Variants in FAM91A1 observed in about 807,000 individuals in gnomAD.
FAM91A1 encodes the protein family with sequence similarity 91 member A1.
Under a neutral mutation model 113.5 loss-of-function variants are expected in FAM91A1, and 41 were observed. The ratio of observed to expected loss-of-function variants is 0.36; its 90% confidence interval spans 0.28 to 0.47. The LOEUF is 0.47. FAM91A1 is among the 20% of genes least tolerant of loss of function. The pLI is 1.00. For missense variants in FAM91A1, 696 were observed against 1,001.2 expected, an observed-to-expected ratio of 0.70 and a Z score of 4.11; for synonymous variants, 307 against 347.9, an observed-to-expected ratio of 0.88 and a Z score of 1.31.
rs944077963 is a variant in FAM91A1, at chr8:123,815,002, T to C, written c.*2298T>C. ...CGCTTCCTTAATGTAATTTAAACCC[T>C]GGCAAACATTCTTTAGAAACCAAGA... is the stretch of plus-strand genomic sequence containing the variant. On this transcript the variant is annotated 3_prime_UTR_variant, in exon 24 of 24. Transcript: ENST00000334705. 2.0e-5 allele frequency: 3 copies of C among 152,550 alleles called. No individual in the cohort carries two copies. Among genetic ancestry groups the C allele is most frequent in the African/African-American group, 7.2e-5 (3 of 41,444 alleles). 9.4% of individuals were successfully genotyped at this position (152,550 alleles called of 1,614,324 possible).
At chr8:123,777,912 G>T in intron 4 of FAM91A1, 113 bp from the exon 5 acceptor site, 1 of 787,216 alleles carries the variant, frequency 1.3e-6, no homozygotes, top group Non-Finnish European at 2.0e-6. Context: ...ATTGATATTT[G>T]ACTAGTAATT....
intron 4 of FAM91A1, 49 bp downstream of exon 4, chr8:123,777,371 G>A: frequency 6.7e-7 from 1 of 1,499,834 alleles, no homozygotes; most frequent in Non-Finnish European, 9.2e-7. Context: ...TTGTGTCTTT[G>A]TGCATCCTGT....
intron 23 of FAM91A1, 198 bp from the exon 24 acceptor site, chr8:123,812,321 C>A (rs541181931): frequency 2.2e-5 from 9 of 405,578 alleles, no homozygotes; most frequent in Non-Finnish European, 3.9e-5. Flanking sequence ...TACAGTTTAA[C>A]GTTGTTAGTC....
chr8:123,808,795 CT>C (rs1815876848), intron 21 of FAM91A1, 97 bp from the exon 22 acceptor site: 1 of 1,203,732 alleles, frequency 8.3e-7, no homozygotes, highest in African/African-American at 1.5e-5. Context: ...CAGGAGGAAT[CT>C]ATGAACTTCA....
intron 3 of FAM91A1, among the ~76,000 whole-genome samples, chr8:123,776,363 A>G (rs1814983262): frequency 6.6e-6 from 1 of 152,236 alleles, no homozygotes; most frequent in Admixed American, 6.5e-5. Context: ...GGTTAGCCCT[A>G]CATACGATGT....
At position 123,812,513 on chromosome 8, in the gene FAM91A1, T is replaced by C; in HGVS notation, c.2332-6T>C. The C allele has an allele frequency of 6.4e-7, 1 of 1,574,048 alleles. No individual in the cohort carries two copies. The highest frequency in any genetic ancestry group is 1.2e-5 in the South Asian group (1 of 83,658). On this transcript the variant is annotated splice_region_variant and splice_polypyrimidine_tract_variant and intron_variant, in intron 23 of 23. Coordinates refer to ENST00000334705, the MANE Select transcript of FAM91A1 (RefSeq NM_144963.4). ...ATATCATTTCTCTTGTTTCTTGATC[T>C]TTTAGGAAGGTGCTTCAATATTGGA...
rs546950696 is a variant in FAM91A1 at position 123,769,517 on chromosome 8, T to C, written c.72+743T>C. The stretch of plus-strand genomic sequence containing the variant: ...ACTTTATCCTCCAGACAAGATGGGT[T>C]TATCAGAGATGTTTCAACAAGAGTG... On this transcript the variant is annotated intron_variant, in intron 1 of 23. Coordinates refer to ENST00000334705, the MANE Select transcript of FAM91A1 (RefSeq NM_144963.4). Among the ~76,000 whole-genome samples the C allele has an allele frequency of 7.2e-5, 11 of 152,350 alleles. No homozygotes were observed. The South Asian group carries it at 2.3e-3, about 32-fold the overall frequency.
intron 18 of FAM91A1, among the ~76,000 whole-genome samples, chr8:123,803,537 A>C (rs1442669208): frequency 6.6e-6 from 1 of 152,164 alleles, no homozygotes; most frequent in East Asian, 1.9e-4. Flanking sequence ...TCCTGGGCTC[A>C]AGTGATCTGC....
Position 123,786,583 on chromosome 8 carries a change from A to G in FAM91A1, c.1051A>G (p.Thr351Ala), listed in dbSNP as rs1428493883. 2 of 1,614,154 alleles carry G rather than the reference A, an allele frequency of 1.2e-6. No individual in the cohort carries two copies. The highest frequency in any genetic ancestry group is 2.2e-5 in the East Asian group (1 of 44,878). The change falls in exon 12 of 24, where the codon ACT becomes GCT. Residue 351 changes from threonine (T) to alanine (A), a missense_variant. Transcript: ENST00000334705. ...PVQEASSATD[T>A]DTNSQEDPAD... Reference sequence around the variant, plus strand: ...ACAAGAAGCTTCATCGGCAACTGACACTGATACAAATAGTCAAGAAGATCC... The same window carrying G: ...ACAAGAAGCTTCATCGGCAACTGACGCTGATACAAATAGTCAAGAAGATCC...
intron 14 of FAM91A1, 45 bp from the exon 15 acceptor site, chr8:123,789,568 T>C: frequency 6.2e-7 from 1 of 1,610,506 alleles, no homozygotes; most frequent in South Asian, 1.1e-5. Context: ...GTGAATGGCA[T>C]AAAAGTGGTA....
At chr8:123,808,209 AT>A in intron 20 of FAM91A1, 62 bp from the exon 21 acceptor site, 1 of 1,323,330 alleles carries the variant, frequency 7.6e-7, no homozygotes, top group Non-Finnish European at 1.1e-6. Flanking sequence ...GTTAGGACTG[AT>A]TTATTGGCAG....
chr8:123,772,820 A>G (rs537781169), intron 1 of FAM91A1, among the ~76,000 whole-genome samples: 185 of 152,336 alleles, frequency 1.2e-3, no homozygotes, highest in Non-Finnish European at 2.2e-3. Flanking sequence ...TGTTATATAT[A>G]TTGTTAATAT....
intron 23 of FAM91A1, chr8:123,812,218 G>C (rs1479701769): frequency 4.6e-6 from 1 of 218,428 alleles, no homozygotes; most frequent in East Asian, 9.3e-5. Context: ...CTTCTGTTAG[G>C]TAATACTTTG....
chr8:123,800,950 A>C (rs1271596487), intron 18 of FAM91A1, among the ~76,000 whole-genome samples: 2 of 151,894 alleles, frequency 1.3e-5, no homozygotes, highest in Non-Finnish European at 2.9e-5. Flanking sequence ...GGTTGTTTTC[A>C]CCTTTTGGCC....
In FAM91A1 at chr8:123,778,105, T is replaced by C; in HGVS notation, c.435+13T>C. ...TAGATCATCAAAAGTAAGTTAGTACTTTCTTTTTCATTGTTTTGGCCTCAT... is the reference window on the plus strand; with the variant it reads ...TAGATCATCAAAAGTAAGTTAGTACCTTCTTTTTCATTGTTTTGGCCTCAT... On this transcript the variant is annotated intron_variant, in intron 5 of 23. Transcript: ENST00000334705. The C allele has an allele frequency of 6.3e-7, 1 of 1,597,910 alleles. No individual in the cohort carries two copies. The highest frequency in any genetic ancestry group is 8.6e-7 in the Non-Finnish European group (1 of 1,169,534).
At position 123,812,694 on chromosome 8, in the gene FAM91A1, A is replaced by G. The variant is rs1475709292; in HGVS notation, c.2507A>G (p.His836Arg). 3.2e-5 allele frequency: 51 copies of G among 1,574,194 alleles called. No individual in the cohort carries two copies. The highest frequency in any genetic ancestry group is 4.0e-5 in the Non-Finnish European group (47 of 1,164,488). The change falls in exon 24 of 24, where the codon CAT becomes CGT. Residue 836 changes from histidine (H) to arginine (R), a missense_variant. His to Arg is a conservative substitution (Grantham distance 29, BLOSUM62 0). Coordinates refer to ENST00000334705, the MANE Select transcript of FAM91A1 (RefSeq NM_144963.4). ...SPSSLLIANL[H>R]LQ ...TCCTCACTTCTTATTGCTAATCTCC[A>G]TTTGCAATAATTTGGTTACACCATT...
chr8:123,804,116 T>TG (rs759173048), intron 18 of FAM91A1, among the ~76,000 whole-genome samples: 9 of 152,154 alleles, frequency 5.9e-5, no homozygotes, highest in Non-Finnish European at 1.3e-4. Flanking sequence ...GAGAGTGAAG[T>TG]GGGTAGACTC....
In FAM91A1 at chr8:123,780,365, T is replaced by C. The variant is rs186149734; in HGVS notation, c.641-115T>C. The C allele has an allele frequency of 8.8e-5, 74 of 837,740 alleles. No homozygotes were observed. The African/African-American group carries it at 1.1e-3, about 13-fold the overall frequency. The allele number at this position is 837,740 out of a possible 1,614,324, so 51.9% of individuals were successfully genotyped here. ...TTTCTCTTCTATTTTACTTTTTCTT[T>C]CGTCACATAGCATTCATTTGTAAGA... On this transcript the variant is annotated intron_variant, in intron 7 of 23. Coordinates refer to ENST00000334705, the MANE Select transcript of FAM91A1 (RefSeq NM_144963.4).
At chr8:123,784,790 C>A in intron 9 of FAM91A1, 1 of 422,780 alleles carries the variant, frequency 2.4e-6, no homozygotes, top group South Asian at 4.4e-5. Context: ...TTTTATATGA[C>A]TTTTTGTACT....
Sources: gnomAD v4.1 joint callset for allele counts (sites outside exome capture counted in the v4.1 genomes callset) on GRCh38, gnomAD v4.1.1 for gene constraint, MANE v1.5 for transcripts, NCBI Gene and HGNC (gene_info 2026-07-23, HGNC 2026-07-21) for gene names.